WDFY1: variants seen among roughly 807,000 people sequenced by gnomAD.
The protein encoded by WDFY1 is WD repeat and FYVE domain containing 1.
A neutral mutation model predicts 56.4 loss-of-function variants in WDFY1; 32 were observed. That is an observed-to-expected ratio of 0.57 (90% CI 0.43 to 0.76). The LOEUF (loss-of-function observed/expected upper bound fraction) is 0.76, where lower values mean the gene tolerates loss of function less well. WDFY1 is among the 30% of genes least tolerant of loss of function. WDFY1 has a pLI of 0.00. For synonymous variants in WDFY1, 192 were observed against 197.3 expected, an observed-to-expected ratio of 0.97 and a Z score of 0.23; for missense variants, 480 against 545.7, an observed-to-expected ratio of 0.88 and a Z score of 1.20.
intron 9 of WDFY1, among the ~76,000 whole-genome samples, chr2:223,883,044 TAA>T (rs1224076683): frequency 4.6e-5 from 7 of 152,104 alleles, no homozygotes; most frequent in African/African-American, 1.4e-4. Context: ...GGTTTTAAAA[TAA>T]GTTTTATTTA....
At chr2:223,889,994 C>G (rs187612000) in intron 8 of WDFY1, among the ~76,000 whole-genome samples, 1 of 152,254 alleles carries the variant, frequency 6.6e-6, no homozygotes, top group East Asian at 1.9e-4. Flanking sequence ...ACACGCAGAT[C>G]CTGGGCAGAT....
chr2:223,894,374 A>G (rs764290486), intron 7 of WDFY1, 35 bp from the exon 8 acceptor site: 3 of 1,608,580 alleles, frequency 1.9e-6, no homozygotes, highest in Non-Finnish European at 2.6e-6. Context: ...ACTTGTCTCC[A>G]TGCGGAAAAA....
At position 223,936,172 on chromosome 2, in the gene WDFY1, G is replaced by A. The variant is rs143693623; in HGVS notation, c.137+8976C>T. Among the ~76,000 whole-genome samples the A allele has an allele frequency of 2.4e-3, 360 of 147,902 alleles. 2 individuals carry two copies. Among genetic ancestry groups the A allele is most frequent in the African/African-American group, 8.4e-3 (339 of 40,146 alleles). On this transcript the variant is annotated intron_variant, in intron 1 of 11. Coordinates refer to ENST00000233055, the MANE Select transcript of WDFY1 (RefSeq NM_020830.5). ...TGCCCCTTGGGTTCAAGCAATTCTC[G>A]TGCCTCAGCCCAGCTTCTTGGGAGG...
In WDFY1 at chr2:223,876,314, G is replaced by T. The variant is rs1456240910; in HGVS notation, c.*2357C>A. Reference sequence around the variant, plus strand: ...AAATGATCCATTTAAGAGAAATGCAGTCAAAATAAGGCAATAACCATCAGC... The same window carrying T: ...AAATGATCCATTTAAGAGAAATGCATTCAAAATAAGGCAATAACCATCAGC... On this transcript the variant is annotated 3_prime_UTR_variant, in exon 12 of 12. Transcript: ENST00000233055. 6.6e-6 allele frequency: 1 copy of T among 152,564 alleles called. No homozygotes were observed. The highest frequency in any genetic ancestry group is 1.5e-5 in the Non-Finnish European group (1 of 68,012). 9.5% of individuals were successfully genotyped at this position (152,564 alleles called of 1,614,324 possible).
intron 5 of WDFY1, among the ~76,000 whole-genome samples, chr2:223,899,939 C>G (rs1693475384): frequency 6.6e-6 from 1 of 152,108 alleles, no homozygotes; most frequent in Non-Finnish European, 1.5e-5. Flanking sequence ...GAGGATGATT[C>G]ACTTTAAATT....
At chr2:223,919,129 C>T (rs1360821723) in intron 1 of WDFY1, among the ~76,000 whole-genome samples, 3 of 152,228 alleles carry the variant, frequency 2.0e-5, no homozygotes, top group African/African-American at 4.8e-5. Flanking sequence ...CACAGGTGAT[C>T]GCCCTGCTCT....
intron 4 of WDFY1, among the ~76,000 whole-genome samples, chr2:223,903,393 C>T (rs1693537306): frequency 1.3e-5 from 2 of 151,890 alleles, no homozygotes; most frequent in South Asian, 4.2e-4. Flanking sequence ...CGTGGTGGCT[C>T]GCACCTGTAA....
At chr2:223,889,193 G>A (rs60957541) in intron 8 of WDFY1, among the ~76,000 whole-genome samples, 2,495 of 152,142 alleles carry the variant, frequency 0.016, 76 homozygotes, top group African/African-American at 0.057. Flanking sequence ...CATGAATCAC[G>A]GTGTCTGGCC....
At chr2:223,926,866 C>T (rs1282837556) in intron 1 of WDFY1, among the ~76,000 whole-genome samples, 1 of 152,014 alleles carries the variant, frequency 6.6e-6, no homozygotes, top group Admixed American at 6.6e-5. Context: ...CGGGATTTTG[C>T]CATGTTGGCC....
intron 6 of WDFY1, among the ~76,000 whole-genome samples, chr2:223,897,371 TATATATATATATATATATA>T (rs1693403124): frequency 6.1e-5 from 4 of 65,282 alleles, no homozygotes; most frequent in African/African-American, 1.2e-4. Flanking sequence ...TATATATATA[TATATATATATATATATATA>T]TTTTTTAAGA....
At chr2:223,925,505 T>C (rs1408039085) in intron 1 of WDFY1, among the ~76,000 whole-genome samples, 1 of 152,218 alleles carries the variant, frequency 6.6e-6, no homozygotes, top group Non-Finnish European at 1.5e-5. Context: ...TGCCTCAATG[T>C]TGATGCTGCT....
At chr2:223,882,339 T>C (rs1693086620) in intron 9 of WDFY1, among the ~76,000 whole-genome samples, 1 of 152,234 alleles carries the variant, frequency 6.6e-6, no homozygotes, top group East Asian at 1.9e-4. Flanking sequence ...GGTCTCGAAC[T>C]CCTGACCTCA....
chr2:223,917,225 C>G (rs1483231709), intron 2 of WDFY1, among the ~76,000 whole-genome samples: 1 of 152,130 alleles, frequency 6.6e-6, no homozygotes, highest in Admixed American at 6.6e-5. Context: ...TACCTTGGAC[C>G]ATGTCTCTCA....
intron 4 of WDFY1, among the ~76,000 whole-genome samples, chr2:223,903,675 GGAT>G (rs1693546644): frequency 6.8e-6 from 1 of 146,494 alleles, no homozygotes; most frequent in African/African-American, 2.6e-5. Context: ...AAAAGGGACA[GGAT>G]CTCACTCTGT....
chr2:223,898,991 A>C lies in WDFY1; in HGVS notation c.565T>G (p.Cys189Gly). 1 of 1,614,164 alleles carries C rather than the reference A, an allele frequency of 6.2e-7. No individual in the cohort carries two copies. The highest frequency in any genetic ancestry group is 8.5e-7 in the Non-Finnish European group (1 of 1,180,000). Reference sequence around the variant, plus strand: ...CCTTTGAGGGTTGTGATGACTGAACACGTGTTCTGTTCAAGCTTCAGCAGG... The same window carrying C: ...CCTTTGAGGGTTGTGATGACTGAACCCGTGTTCTGTTCAAGCTTCAGCAGG... Reference protein sequence around the residue: ...ITLLKLEQNTCSVITTLKGHE... With the variant: ...ITLLKLEQNTGSVITTLKGHE... Residue 189 changes from cysteine (C) to glycine (G), a missense_variant, in exon 6 of 12, where the codon TGT becomes GGT. Transcript: ENST00000233055.
intron 4 of WDFY1, among the ~76,000 whole-genome samples, chr2:223,902,202 G>T (rs1693518112): frequency 6.6e-6 from 1 of 152,198 alleles, no homozygotes; most frequent in South Asian, 2.1e-4. Context: ...ACTGCTAAAA[G>T]GTTACACTGA....
chr2:223,941,097 C>A (rs1347534534), intron 1 of WDFY1, among the ~76,000 whole-genome samples: 2 of 152,100 alleles, frequency 1.3e-5, no homozygotes, highest in Non-Finnish European at 2.9e-5. Context: ...GCTGGAATTA[C>A]AAGTGTGAGC....
At chr2:223,929,448 A>G (rs2106099361) in intron 1 of WDFY1, among the ~76,000 whole-genome samples, 1 of 152,098 alleles carries the variant, frequency 6.6e-6, no homozygotes, top group Admixed American at 6.5e-5. Context: ...TCGATCTCCC[A>G]AAGTGCTGGG....
intron 6 of WDFY1, among the ~76,000 whole-genome samples, chr2:223,895,866 A>G (rs1559165431): frequency 6.6e-6 from 1 of 152,044 alleles, no homozygotes; most frequent in Non-Finnish European, 1.5e-5. Context: ...TTATGCATCA[A>G]ACTACTTTGG....
Sources: gnomAD v4.1 joint callset for allele counts (sites outside exome capture counted in the v4.1 genomes callset) on GRCh38, gnomAD v4.1.1 for gene constraint, MANE v1.5 for transcripts, NCBI Gene and HGNC (gene_info 2026-07-23, HGNC 2026-07-21) for gene names.